The following ERAP1 variants were observed in gnomAD, a reference collection of about 807,000 sequenced individuals.
ERAP1 encodes endoplasmic reticulum aminopeptidase 1.
In ERAP1, 86 loss-of-function variants were observed where a neutral mutation model predicts 103.7. The ratio of observed to expected loss-of-function variants is 0.83; its 90% CI spans 0.70 to 0.99. ERAP1 has a LOEUF of 0.99. Ranked by LOEUF, ERAP1 falls within the 50% of genes least tolerant of loss-of-function variation. The pLI, the probability that ERAP1 is intolerant of heterozygous loss-of-function variation, is 0.00. For missense variants in ERAP1, 1,009 were observed against 1,128.4 expected, an observed-to-expected ratio of 0.89 and a Z score of 1.52; for synonymous variants, 398 against 402.4, an observed-to-expected ratio of 0.99 and a Z score of 0.13.
At chr5:96,770,308 T>C, downstream of ERAP1, 1 of 507,122 alleles carries the variant, frequency 2.0e-6, no homozygotes, top group Non-Finnish European at 3.6e-6. Context: ...AGAGCATCAA[T>C]GTCACCCACA....
Position 96,774,715 on chromosome 5 carries a change from A to AAT in ERAP1, c.*1679_*1680dup, listed in dbSNP as rs1773732744. On this transcript the variant is annotated 3_prime_UTR_variant, in exon 19 of 19. Transcript: ENST00000443439. Reference sequence around the variant, plus strand: ...TTGTGTATTTTTTTAAAAGAAGGGAAATAGTTTAGTTTGGGGTGGAAATTA... The same window carrying AAT: ...TTGTGTATTTTTTTAAAAGAAGGGAAATATAGTTTAGTTTGGGGTGGAAATTA... 3.1e-6 allele frequency: 3 copies of AAT among 982,896 alleles called. No homozygotes were observed. The highest frequency in any genetic ancestry group is 1.7e-5 in the African/African-American group (1 of 57,160). 60.9% of individuals were successfully genotyped at this position (982,896 alleles called of 1,614,324 possible).
At chr5:96,823,422 T>C in the ERAP1 span, among the ~76,000 whole-genome samples, 1 of 152,254 alleles carries the variant, frequency 6.6e-6, no homozygotes, top group Non-Finnish European at 1.5e-5. Flanking sequence ...GAGTCCACAG[T>C]ATTTCTTGCA....
chr5:96,843,323 A>C, the ERAP1 span, among the ~76,000 whole-genome samples: 1 of 152,206 alleles, frequency 6.6e-6, no homozygotes, highest in Non-Finnish European at 1.5e-5. Context: ...GCAACCAATC[A>C]GAGGCTTAAG....
the ERAP1 span, among the ~76,000 whole-genome samples, chr5:96,873,061 C>T: frequency 0.025 from 3,779 of 151,902 alleles, 111 homozygotes; most frequent in East Asian, 0.1. Flanking sequence ...TGGTGGTGGG[C>T]GCCTGTAATC....
chr5:96,896,520 T>C, the ERAP1 span: 3 of 1,604,698 alleles, frequency 1.9e-6, no homozygotes, highest in African/African-American at 1.4e-5. Context: ...AAATATCAGG[T>C]GCAGGTGGAA....
the ERAP1 span, among the ~76,000 whole-genome samples, chr5:96,917,071 C>A: frequency 6.6e-6 from 1 of 152,148 alleles, no homozygotes; most frequent in African/African-American, 2.4e-5. Context: ...ATGTAATTTG[C>A]AAGCTCTTTT....
At chr5:96,920,198 G>A in the ERAP1 span, among the ~76,000 whole-genome samples, 8 of 152,006 alleles carry the variant, frequency 5.3e-5, no homozygotes, top group Non-Finnish European at 7.4e-5. Context: ...CCAGGTACAC[G>A]GGAGGCTGAG....
chr5:96,883,821 C>A, the ERAP1 span: 5 of 1,613,008 alleles, frequency 3.1e-6, no homozygotes, highest in Non-Finnish European at 4.2e-6. Flanking sequence ...TTTGAGCCAA[C>A]CCAGGCACGC....
exon 20 of ERAP1, chr5:96,760,984 A>G (rs1767752756): frequency 6.6e-6 from 1 of 152,138 alleles, no homozygotes. Flanking sequence ...TATGTTATAC[A>G]GTAATAATAA....
the ERAP1 span, chr5:96,879,623 C>G: frequency 7.4e-7 from 1 of 1,344,568 alleles, no homozygotes; most frequent in Non-Finnish European, 1.1e-6. Context: ...GGAGCCAGTG[C>G]AGTGCCATGA....
At chr5:96,912,050 C>T in the ERAP1 span, among the ~76,000 whole-genome samples, 4 of 150,540 alleles carry the variant, frequency 2.7e-5, no homozygotes, top group African/African-American at 9.7e-5. Flanking sequence ...ATTAGCCGGG[C>T]GCGGTGGCGG....
chr5:96,766,988 T>C (rs1050587586), intron 19 of ERAP1, among the ~76,000 whole-genome samples: 3 of 152,194 alleles, frequency 2.0e-5, no homozygotes, highest in African/African-American at 7.2e-5. Context: ...CTTCCCACTT[T>C]GATAGTACCA....
At chr5:96,804,060 T>C in intron 1 of ERAP1, 117 bp from the exon 2 acceptor site, 1 of 1,118,528 alleles carries the variant, frequency 8.9e-7, no homozygotes, top group East Asian at 2.5e-5. Context: ...CTTCCAAAAG[T>C]ACTAGGTCTT....
At chr5:96,817,990 T>A in the ERAP1 span, among the ~76,000 whole-genome samples, 1 of 152,050 alleles carries the variant, frequency 6.6e-6, no homozygotes, top group Non-Finnish European at 1.5e-5. Flanking sequence ...AGTCCCAATA[T>A]CTGCAATAAA....
intron 5 of ERAP1, 143 bp downstream of exon 5, chr5:96,794,899 G>T: frequency 1.1e-6 from 1 of 890,908 alleles, no homozygotes; most frequent in Non-Finnish European, 1.8e-6. Flanking sequence ...TGCTCAGAAA[G>T]ATCAACCGCA....
At chr5:96,839,693 A>G in the ERAP1 span, among the ~76,000 whole-genome samples, 1 of 152,214 alleles carries the variant, frequency 6.6e-6, no homozygotes, top group Non-Finnish European at 1.5e-5. Flanking sequence ...CTCAGAGGGA[A>G]GGAGCAAACA....
chr5:96,875,547 AAAG>A, the ERAP1 span, among the ~76,000 whole-genome samples: 1 of 151,688 alleles, frequency 6.6e-6, no homozygotes, highest in East Asian at 1.9e-4. Context: ...AAAAAAAAAA[AAAG>A]AAAAGAAAAG....
At chr5:96,903,109 C>A in the ERAP1 span, among the ~76,000 whole-genome samples, 5,779 of 152,270 alleles carry the variant, frequency 0.038, 190 homozygotes, top group Middle Eastern at 0.12. Context: ...TGGGCCCTTC[C>A]TTGCATGTCT....
chr5:96,785,758 T>C, intron 13 of ERAP1, 30 bp downstream of exon 13: 1 of 1,612,414 alleles, frequency 6.2e-7, no homozygotes, highest in Non-Finnish European at 8.5e-7. Flanking sequence ...CTTTCAGAAA[T>C]AAACCGCGAC....
Sources: gnomAD v4.1 joint callset for allele counts (sites outside exome capture counted in the v4.1 genomes callset) on GRCh38, gnomAD v4.1.1 for gene constraint, MANE v1.5 for transcripts, NCBI Gene and HGNC (gene_info 2026-07-23, HGNC 2026-07-21) for gene names.